Variants in POU6F2 observed in about 807,000 individuals in gnomAD.
POU6F2 encodes POU class 6 homeobox 2.
A neutral mutation model predicts 71.3 loss-of-function variants in POU6F2; 31 were observed. The ratio of observed to expected loss-of-function variants is 0.43; its 90% confidence interval spans 0.33 to 0.59. The LOEUF (loss-of-function observed/expected upper bound fraction) is 0.59, where lower values mean the gene tolerates loss of function less well. Ranked by LOEUF, POU6F2 falls within the 20% of genes least tolerant of loss-of-function variation. The pLI is 0.04. For synonymous variants in POU6F2, 347 were observed against 355.7 expected (o/e 0.98, Z 0.27); for missense variants, 783 against 856.8 (o/e 0.91, Z 1.07).
At chr7:39,067,511 A>G (rs1790783352) in intron 1 of POU6F2, among the ~76,000 whole-genome samples, 1 of 151,998 alleles carries the variant, frequency 6.6e-6, no homozygotes, top group South Asian at 2.1e-4. Context: ...AATATTTGGG[A>G]TGCATACAAT....
intron 1 of POU6F2, among the ~76,000 whole-genome samples, chr7:39,015,268 T>C (rs1789442000): frequency 7.2e-6 from 1 of 139,060 alleles, no homozygotes; most frequent in Non-Finnish European, 1.5e-5. Flanking sequence ...TATCTAGAGA[T>C]ATGGTATCTA....
chr7:39,105,843 C>G (rs1328147895), intron 2 of POU6F2, among the ~76,000 whole-genome samples: 1 of 152,166 alleles, frequency 6.6e-6, no homozygotes, highest in East Asian at 1.9e-4. Context: ...GAATCAATAT[C>G]CTCCAGCCCT....
At chr7:39,393,042 C>T (rs75501318) in intron 5 of POU6F2, among the ~76,000 whole-genome samples, 2,443 of 152,194 alleles carry the variant, frequency 0.016, 64 homozygotes, top group East Asian at 0.1. Context: ...AACCTATGTT[C>T]GGTTTTATTA....
At chr7:39,445,437 T>C (rs1164868950) in intron 7 of POU6F2, among the ~76,000 whole-genome samples, 1 of 152,200 alleles carries the variant, frequency 6.6e-6, no homozygotes, top group Non-Finnish European at 1.5e-5. Flanking sequence ...GCTGATGCAG[T>C]TCATTCATAC....
At chr7:39,250,204 T>C (rs1234334815) in intron 4 of POU6F2, among the ~76,000 whole-genome samples, 1 of 152,180 alleles carries the variant, frequency 6.6e-6, no homozygotes, top group Non-Finnish European at 1.5e-5. Flanking sequence ...ACGCATCTTA[T>C]CATCTGCACC....
intron 2 of POU6F2, among the ~76,000 whole-genome samples, chr7:39,186,770 C>A (rs2128742551): frequency 6.6e-6 from 1 of 152,322 alleles, no homozygotes; most frequent in Non-Finnish European, 1.5e-5. Context: ...TTGCAAATCA[C>A]TGGGGGAGGT....
chr7:39,339,942 G>T lies in POU6F2; in HGVS notation c.899G>T (p.Ser300Ile), dbSNP rs1583537135. ...NQPSPTQQSS[S>I]PPQKPSQSPG... The stretch of plus-strand genomic sequence containing the variant: ...CCATCTCCAACCCAGCAGAGCTCCA[G>T]CCCCCCGCAGAAACCTAGTCAGTCT... The change falls in exon 5 of 10, where the codon AGC (serine) becomes ATC (isoleucine). Residue 300 changes from serine to isoleucine, a missense_variant. By Grantham distance (142) the Ser-to-Ile change is moderately radical. Coordinates refer to ENST00000518318, the MANE Select transcript of POU6F2 (RefSeq NM_001370959.1). 6.2e-7 allele frequency: 1 copy of T among 1,613,790 alleles called. No individual in the cohort carries two copies. Among genetic ancestry groups the T allele is most frequent in the East Asian group, 2.2e-5 (1 of 44,874 alleles).
chr7:38,982,666 T>A (rs1459468318), intron 1 of POU6F2, among the ~76,000 whole-genome samples: 1 of 152,134 alleles, frequency 6.6e-6, no homozygotes, highest in Non-Finnish European at 1.5e-5. Context: ...TACTATCCAA[T>A]AATGTTAATA....
intron 5 of POU6F2, among the ~76,000 whole-genome samples, chr7:39,344,907 G>T (rs1285442263): frequency 6.6e-6 from 1 of 152,132 alleles, no homozygotes; most frequent in Non-Finnish European, 1.5e-5. Context: ...CCTACACAGG[G>T]CTAAATCACT....
At chr7:39,428,043 A>T (rs1240618759) in intron 6 of POU6F2, among the ~76,000 whole-genome samples, 1 of 152,168 alleles carries the variant, frequency 6.6e-6, no homozygotes, top group Non-Finnish European at 1.5e-5. Context: ...TCATGACCCA[A>T]AGGTGCTCCA....
At chr7:39,321,752 T>C (rs889865939) in intron 4 of POU6F2, among the ~76,000 whole-genome samples, 1 of 151,900 alleles carries the variant, frequency 6.6e-6, no homozygotes, top group Non-Finnish European at 1.5e-5. Flanking sequence ...AATAAATTTT[T>C]AGAGTAAGGA....
chr7:39,013,464 G>A (rs890359789), intron 1 of POU6F2: 20 of 159,930 alleles, frequency 1.3e-4, no homozygotes, highest in Admixed American at 7.8e-4. Context: ...TACCTCAGAT[G>A]GAAATGCAGA....
chr7:39,268,659 G>T (rs1455632655), intron 4 of POU6F2, among the ~76,000 whole-genome samples: 1 of 152,182 alleles, frequency 6.6e-6, no homozygotes, highest in Non-Finnish European at 1.5e-5. Context: ...TGACTGTCCT[G>T]CCAGACACTC....
intron 4 of POU6F2, among the ~76,000 whole-genome samples, chr7:39,208,992 A>G (rs995282242): frequency 6.6e-6 from 1 of 152,212 alleles, no homozygotes; most frequent in African/African-American, 2.4e-5. Context: ...ACATAAGCTC[A>G]AAGAGCTCCT....
intron 1 of POU6F2, among the ~76,000 whole-genome samples, chr7:39,048,932 T>G (rs2128713522): frequency 6.6e-6 from 1 of 152,166 alleles, no homozygotes; most frequent in Admixed American, 6.6e-5. Context: ...TGAGTCAGTT[T>G]GCTCATTTCT....
intron 1 of POU6F2, among the ~76,000 whole-genome samples, chr7:39,000,685 G>T (rs1788880550): frequency 6.6e-6 from 1 of 152,080 alleles, no homozygotes; most frequent in African/African-American, 2.4e-5. Flanking sequence ...TTGTTGAAAT[G>T]GAACAAAAAC....
chr7:39,008,178 T>G (rs1789141413), intron 1 of POU6F2, among the ~76,000 whole-genome samples: 1 of 148,320 alleles, frequency 6.7e-6, no homozygotes, highest in Non-Finnish European at 1.5e-5. Flanking sequence ...CCACATCCTC[T>G]CCAGCACCTG....
rs973800389 is a variant in POU6F2 at position 39,072,621 on chromosome 7, A to T, written c.106-13239A>T. Among the ~76,000 whole-genome samples, 126 of 152,204 alleles carry T rather than the reference A, an allele frequency of 8.3e-4. 1 individual carries two copies. Among genetic ancestry groups the T allele is most frequent in the African/African-American group, 3.0e-3 (123 of 41,456 alleles). ...ATTAAGTCAGCAATTCTTTACAAAT[A>T]CGCAGGGAGAAACAGCAACTCAGAT... On this transcript the variant is annotated intron_variant, in intron 1 of 9. Transcript: ENST00000518318.
chr7:39,395,882 AAACTTTC>A (rs1787165466), intron 5 of POU6F2, among the ~76,000 whole-genome samples: 1 of 152,224 alleles, frequency 6.6e-6, no homozygotes, highest in Non-Finnish European at 1.5e-5. Flanking sequence ...ATTTCCAAAA[AAACTTTC>A]ATCACAAGAG....
Sources: allele counts gnomAD v4.1 joint callset (sites outside exome capture counted in the v4.1 genomes callset), GRCh38; gene constraint gnomAD v4.1.1; transcripts MANE v1.5; gene names NCBI Gene and HGNC (gene_info 2026-07-23, HGNC 2026-07-21).